Variants in NKAIN3 observed in about 807,000 individuals in gnomAD.
The protein encoded by NKAIN3 is sodium/potassium-transporting ATPase subunit beta-1-interacting protein 3.
Under a neutral mutation model 30.2 loss-of-function variants are expected in NKAIN3, and 25 were observed. The ratio of observed to expected loss-of-function variants is 0.83; its 90% CI spans 0.60 to 1.16. NKAIN3 has a LOEUF of 1.16. NKAIN3 is among the 50% of genes most tolerant of loss of function. NKAIN3 has a pLI of 0.00. For synonymous variants in NKAIN3, 91 were observed against 89.6 expected (o/e 1.02, Z -0.09); for missense variants, 225 against 254.1 (o/e 0.89, Z 0.78).
At chr8:62,357,685 C>T (rs1471827151) in intron 1 of NKAIN3, among the ~76,000 whole-genome samples, 3 of 152,090 alleles carry the variant, frequency 2.0e-5, no homozygotes, top group South Asian at 2.1e-4. Context: ...CAGAGGCTTC[C>T]TTTCATGACC....
intron 3 of NKAIN3, among the ~76,000 whole-genome samples, chr8:62,717,262 T>C (rs1232944724): frequency 6.6e-6 from 1 of 152,200 alleles, no homozygotes; most frequent in Non-Finnish European, 1.5e-5. Flanking sequence ...ATTTAAAGTA[T>C]TCTTTAATAT....
chr8:62,652,568 C>CA (rs758159387), intron 3 of NKAIN3, among the ~76,000 whole-genome samples: 212 of 151,978 alleles, frequency 1.4e-3, no homozygotes, highest in Non-Finnish European at 2.3e-3. Flanking sequence ...AGATAATTAG[C>CA]AAAAAAATAT....
intron 4 of NKAIN3, among the ~76,000 whole-genome samples, chr8:62,890,361 G>A (rs1300261503): frequency 6.6e-6 from 1 of 152,166 alleles, no homozygotes; most frequent in African/African-American, 2.4e-5. Context: ...GCTAATTTGA[G>A]CAACAATGAA....
intron 1 of NKAIN3, among the ~76,000 whole-genome samples, chr8:62,487,864 T>C (rs1563421436): frequency 6.6e-6 from 1 of 152,162 alleles, no homozygotes; most frequent in African/African-American, 2.4e-5. Context: ...CAAGTGCAAG[T>C]AGAGTTTGGG....
chr8:62,667,302 A>T (rs907266978), intron 3 of NKAIN3, among the ~76,000 whole-genome samples: 13 of 140,626 alleles, frequency 9.2e-5, no homozygotes, highest in Admixed American at 2.1e-4. Context: ...TATAATAAAA[A>T]ATATATATAT....
chr8:62,713,515 C>T (rs187218585), intron 3 of NKAIN3, among the ~76,000 whole-genome samples: 14 of 152,280 alleles, frequency 9.2e-5, no homozygotes, highest in Admixed American at 7.8e-4. Context: ...TTTTATCTAT[C>T]CCTGTGTTCT....
chr8:62,912,060 A>G (rs770147919), intron 4 of NKAIN3, among the ~76,000 whole-genome samples: 30 of 152,336 alleles, frequency 2.0e-4, no homozygotes, highest in South Asian at 1.2e-3. Context: ...TTACTTACAC[A>G]GAACTAGGTG....
chr8:62,253,396 C>T (rs762117769), intron 1 of NKAIN3, among the ~76,000 whole-genome samples: 68 of 152,040 alleles, frequency 4.5e-4, no homozygotes, highest in African/African-American at 1.5e-3. Context: ...GGCAACATAG[C>T]GAAACCTCAT....
chr8:62,705,189 C>A (rs1362930695), intron 3 of NKAIN3, among the ~76,000 whole-genome samples: 1 of 152,136 alleles, frequency 6.6e-6, no homozygotes, highest in Admixed American at 6.6e-5. Context: ...TATGAATGTT[C>A]TAAAAAGTTG....
chr8:62,337,151 A>G (rs1815580186), intron 1 of NKAIN3, among the ~76,000 whole-genome samples: 1 of 152,064 alleles, frequency 6.6e-6, no homozygotes, highest in Non-Finnish European at 1.5e-5. Flanking sequence ...ACAAACAGAA[A>G]GTGAAAGCTG....
chr8:62,345,743 A>G (rs1476157815), intron 1 of NKAIN3, among the ~76,000 whole-genome samples: 1 of 151,578 alleles, frequency 6.6e-6, no homozygotes, highest in Non-Finnish European at 1.5e-5. Context: ...TTCTTTCCAA[A>G]TGGGGATATC....
intron 1 of NKAIN3, among the ~76,000 whole-genome samples, chr8:62,503,790 A>G (rs1469801956): frequency 1.3e-5 from 2 of 152,094 alleles, no homozygotes; most frequent in Non-Finnish European, 2.9e-5. Context: ...GTCAGACCTT[A>G]TGGTTGTCTT....
intron 1 of NKAIN3, among the ~76,000 whole-genome samples, chr8:62,506,477 T>TTTCTTTCTTTTC (rs796854999): frequency 2.4e-3 from 16 of 6,650 alleles, no homozygotes; most frequent in African/African-American, 0.01. Context: ...TCTTTCTTTC[T>TTTCTTTCTTTTC]TTTTTTTTTT....
chr8:62,959,907 C>CAA (rs1483976457), intron 6 of NKAIN3, among the ~76,000 whole-genome samples: 4 of 152,206 alleles, frequency 2.6e-5, no homozygotes, highest in Non-Finnish European at 5.9e-5. Context: ...GAGAGATGGG[C>CAA]TTCCTTGTGT....
At chr8:62,907,975 T>C (rs1324395104) in intron 4 of NKAIN3, among the ~76,000 whole-genome samples, 1 of 152,140 alleles carries the variant, frequency 6.6e-6, no homozygotes, top group African/African-American at 2.4e-5. Context: ...CACTGACAGC[T>C]TGTACCATGG....
rs1814428781 is a variant in NKAIN3 at position 62,703,829 on chromosome 8, C to A, written c.274-43103C>A. 2.0e-5 allele frequency among the ~76,000 whole-genome samples: 3 copies of A among 152,198 alleles called. No homozygotes were observed. In the South Asian group the frequency reaches 6.2e-4, roughly 32 times the overall value. On this transcript the variant is annotated intron_variant, in intron 3 of 6. Transcript: ENST00000623646. ...CATAACATCATTTTTTCATTATATT[C>A]TTTCTATATTCTTTAGCACCCAGTA...
chr8:62,379,771 G>T (rs1402681842), intron 1 of NKAIN3, among the ~76,000 whole-genome samples: 1 of 152,130 alleles, frequency 6.6e-6, no homozygotes, highest in Admixed American at 6.6e-5. Flanking sequence ...CTTCATAGCA[G>T]CATGAGAACA....
chr8:62,348,761 T>C (rs1563359549), intron 1 of NKAIN3, among the ~76,000 whole-genome samples: 1 of 152,218 alleles, frequency 6.6e-6, no homozygotes, highest in Admixed American at 6.5e-5. Context: ...GTTGAAACCA[T>C]TGGAGATACT....
intron 3 of NKAIN3, among the ~76,000 whole-genome samples, chr8:62,625,148 T>C (rs534492236): frequency 1.4e-4 from 21 of 152,254 alleles, no homozygotes; most frequent in African/African-American, 5.1e-4. Flanking sequence ...TTCTAGCATT[T>C]GTTATAACTT....
Sources: allele counts gnomAD v4.1 joint callset (sites outside exome capture counted in the v4.1 genomes callset), GRCh38; gene constraint gnomAD v4.1.1; transcripts MANE v1.5; gene names NCBI Gene and HGNC (gene_info 2026-07-23, HGNC 2026-07-21).